The following WWOX variants were observed in gnomAD, a reference collection of about 807,000 sequenced individuals.
WWOX encodes WW domain-containing oxidoreductase.
A neutral mutation model predicts 46.2 loss-of-function variants in WWOX; 69 were observed. The ratio of observed to expected loss-of-function variants is 1.49; its 90% CI spans 1.23 to 1.82. WWOX has a LOEUF of 1.82. WWOX is among the 40% of genes most tolerant of loss of function. WWOX has a pLI of 0.00. For synonymous variants in WWOX, 359 were observed against 202.6 expected (o/e 1.77, Z -6.56); for missense variants, 919 against 542.6 (o/e 1.69, Z -6.89).
At chr16:78,306,167 C>T (rs1184004085) in intron 5 of WWOX, among the ~76,000 whole-genome samples, 6 of 151,960 alleles carry the variant, frequency 3.9e-5, no homozygotes, top group East Asian at 1.9e-4. Context: ...TTATAGTGAA[C>T]GGGTGGCTTC....
chr16:78,337,721 A>G (rs1328275015), intron 5 of WWOX, among the ~76,000 whole-genome samples: 3 of 146,076 alleles, frequency 2.1e-5, no homozygotes, highest in Non-Finnish European at 4.6e-5. Context: ...GCTTTAGGCT[A>G]GAGGATCTCA....
intron 8 of WWOX, among the ~76,000 whole-genome samples, chr16:78,859,939 A>G (rs552242569): frequency 6.6e-6 from 1 of 152,360 alleles, no homozygotes; most frequent in Non-Finnish European, 1.5e-5. Context: ...ATGAGAAAGC[A>G]TAATGAACTT....
intron 8 of WWOX, among the ~76,000 whole-genome samples, chr16:79,045,351 A>G (rs547788063): frequency 3.9e-5 from 6 of 152,260 alleles, no homozygotes; most frequent in African/African-American, 9.6e-5. Context: ...ATTGGCAAGG[A>G]TCAGCCCAGT....
At chr16:78,899,105 C>T (rs2044766672) in intron 8 of WWOX, 1 of 152,006 alleles carries the variant, frequency 6.6e-6, no homozygotes, top group Non-Finnish European at 1.5e-5. Context: ...AATGCACTGG[C>T]TATAGCCTGT....
chr16:78,440,618 T>C (rs2083422927), intron 8 of WWOX, among the ~76,000 whole-genome samples: 1 of 151,638 alleles, frequency 6.6e-6, no homozygotes. Flanking sequence ...TGTAGTTTTT[T>C]TTTTTTCTTT....
At chr16:78,582,661 T>C (rs2045090125) in intron 8 of WWOX, among the ~76,000 whole-genome samples, 1 of 152,202 alleles carries the variant, frequency 6.6e-6, no homozygotes, top group Non-Finnish European at 1.5e-5. Flanking sequence ...CTATCTCCGC[T>C]TAGTCATTCC....
chr16:78,402,436 C>G (rs893069256), intron 6 of WWOX, among the ~76,000 whole-genome samples: 1 of 152,082 alleles, frequency 6.6e-6, no homozygotes, highest in African/African-American at 2.4e-5. Context: ...CTGCTATGAA[C>G]ATTATTGTGA....
At chr16:78,969,513 C>T (rs994953181) in intron 8 of WWOX, among the ~76,000 whole-genome samples, 8 of 152,098 alleles carry the variant, frequency 5.3e-5, no homozygotes, top group African/African-American at 1.9e-4. Context: ...TCAAGTGATC[C>T]AACCGCCTCA....
rs202206199 is a variant in WWOX, at chr16:78,261,274, G to C, written c.516+96985G>C. 5.3e-4 allele frequency among the ~76,000 whole-genome samples: 79 copies of C among 147,714 alleles called. 2 individuals are homozygous for C. The highest frequency in any genetic ancestry group is 1.1e-3 in the African/African-American group (42 of 39,490). On this transcript the variant is annotated intron_variant, in intron 5 of 8. Coordinates refer to ENST00000566780, the MANE Select transcript of WWOX (RefSeq NM_016373.4). ...TAATGTGTGGTAAGGTAGATAGATA[G>C]ATAGATAGATACATACATACATACA...
intron 8 of WWOX, among the ~76,000 whole-genome samples, chr16:78,841,634 G>A (rs183028130): frequency 5.9e-5 from 9 of 152,280 alleles, no homozygotes; most frequent in Admixed American, 3.9e-4. Context: ...AAACTCTGGC[G>A]AATTTTTTGT....
At chr16:78,746,957 A>T (rs2049361790) in intron 8 of WWOX, among the ~76,000 whole-genome samples, 1 of 152,266 alleles carries the variant, frequency 6.6e-6, no homozygotes, top group South Asian at 2.1e-4. Flanking sequence ...ACCATTTAGA[A>T]TAAAAATACA....
At chr16:78,980,898 G>C (rs1464301076) in intron 8 of WWOX, among the ~76,000 whole-genome samples, 1 of 152,206 alleles carries the variant, frequency 6.6e-6, no homozygotes, top group African/African-American at 2.4e-5. Flanking sequence ...ATGTAGAGGT[G>C]ATGGTATCTC....
intron 8 of WWOX, among the ~76,000 whole-genome samples, chr16:78,937,221 C>A (rs751041020): frequency 6.6e-6 from 1 of 152,080 alleles, no homozygotes; most frequent in Admixed American, 6.6e-5. Flanking sequence ...AGAAAACTTT[C>A]AACTTTTAAT....
At chr16:78,578,697 A>G (rs1182117695) in intron 8 of WWOX, among the ~76,000 whole-genome samples, 2 of 152,176 alleles carry the variant, frequency 1.3e-5, no homozygotes, top group African/African-American at 2.4e-5. Context: ...ATTGCCAGCT[A>G]TGGGTCATTT....
At chr16:78,702,192 G>A (rs1297095379) in intron 8 of WWOX, among the ~76,000 whole-genome samples, 1 of 147,648 alleles carries the variant, frequency 6.8e-6, no homozygotes, top group Non-Finnish European at 1.5e-5. Context: ...AGGCAGGAGA[G>A]TCACTTAAGA....
Position 78,446,296 on chromosome 16 carries a change from T to G in WWOX, c.1056+13544T>G, listed in dbSNP as rs193004149. ...GAAGTATGGAAAGAGCATGCGCTTT[T>G]GACTGAGGAGGTCTTGGGTTTAAAG... On this transcript the variant is annotated intron_variant, in intron 8 of 8. Coordinates refer to ENST00000566780, the MANE Select transcript of WWOX (RefSeq NM_016373.4). 7.2e-5 allele frequency among the ~76,000 whole-genome samples: 11 copies of G among 152,322 alleles called. No individual in the cohort carries two copies. The South Asian group carries it at 8.3e-4, about 11-fold the overall frequency.
rs189377481 is a variant in WWOX at position 79,067,058 on chromosome 16, G to A, written c.1057-144550G>A. Among the ~76,000 whole-genome samples, 5 of 152,298 alleles carry A rather than the reference G, an allele frequency of 3.3e-5. No homozygotes were observed. In the East Asian group the frequency reaches 9.7e-4, roughly 29 times the overall value. ...CTCTGGAAGGGAGCATCCGCGAAAT[G>A]AATAAGAAGGTGGTTATTAGTGAGG... On this transcript the variant is annotated intron_variant, in intron 8 of 8. Transcript: ENST00000566780.
intron 8 of WWOX, among the ~76,000 whole-genome samples, chr16:78,804,528 G>A (rs1408918145): frequency 6.6e-6 from 1 of 152,192 alleles, no homozygotes; most frequent in African/African-American, 2.4e-5. Flanking sequence ...TTCTGCGTGT[G>A]GCTCTCATTT....
chr16:78,483,529 T>C (rs1433230221), intron 8 of WWOX, among the ~76,000 whole-genome samples: 1 of 151,934 alleles, frequency 6.6e-6, no homozygotes, highest in Non-Finnish European at 1.5e-5. Flanking sequence ...TTGTGCTAGC[T>C]GATTGCCAAC....
Sources: gnomAD v4.1 joint callset for allele counts (sites outside exome capture counted in the v4.1 genomes callset) on GRCh38, gnomAD v4.1.1 for gene constraint, MANE v1.5 for transcripts, NCBI Gene and HGNC (gene_info 2026-07-23, HGNC 2026-07-21) for gene names.